BAIAP2L1: variants seen among roughly 807,000 people sequenced by gnomAD.
The protein encoded by BAIAP2L1 is BAR/IMD domain-containing adapter protein 2-like 1.
BAIAP2L1 carries 35 observed loss-of-function variants against 66.3 expected under a neutral mutation model. The observed-to-expected ratio is 0.53, with a 90% CI of 0.40 to 0.70. The LOEUF (loss-of-function observed/expected upper bound fraction) is 0.70, where lower values mean the gene tolerates loss of function less well. Ranked by LOEUF, BAIAP2L1 falls within the 30% of genes least tolerant of loss-of-function variation. The probability of loss-of-function intolerance (pLI) is 0.00; values close to 1 mark genes in which losing one functional copy is unlikely to be tolerated. For synonymous variants in BAIAP2L1, 269 were observed against 248.7 expected, an observed-to-expected ratio of 1.08 and a Z score of -0.77; for missense variants, 622 against 656.9, an observed-to-expected ratio of 0.95 and a Z score of 0.58.
At position 98,315,625 on chromosome 7, in the gene BAIAP2L1, A is replaced by AAATAATAAT. The variant is rs35160105; in HGVS notation, c.487-22_487-14dup. 8.0e-6 allele frequency: 9 copies of AAATAATAAT among 1,131,258 alleles called. No homozygotes were observed. Among genetic ancestry groups the AAATAATAAT allele is most frequent in the African/African-American group, 5.0e-5 (3 of 60,460 alleles). 70.1% of individuals were successfully genotyped at this position (1,131,258 alleles called of 1,614,324 possible). On this transcript the variant is annotated splice_polypyrimidine_tract_variant and intron_variant, in intron 6 of 13. Transcript: ENST00000005260. ...CGGTCTCCACATACTAAAAAAAAAA[A>AAATAATAAT]AATAATAATAATAATAATTATATAA...
chr7:98,315,625 A>AAT lies in BAIAP2L1; in HGVS notation c.487-14_487-13insAT, dbSNP rs1554412624. The AAT allele has an allele frequency of 2.1e-3, 2,339 of 1,131,106 alleles. 40 individuals carry two copies. The African/African-American group carries it at 0.036, about 17-fold the overall frequency. The allele number at this position is 1,131,106 out of a possible 1,614,324, so 70.1% of individuals were successfully genotyped here. A position where few individuals can be genotyped will look rare whatever the true frequency, so the allele number is the denominator to read the frequency against. On this transcript the variant is annotated splice_polypyrimidine_tract_variant and intron_variant, in intron 6 of 13. Transcript: ENST00000005260. ...CGGTCTCCACATACTAAAAAAAAAA[A>AAT]AATAATAATAATAATAATTATATAA...
chr7:98,327,079 G>A (rs528375926), intron 3 of BAIAP2L1, among the ~76,000 whole-genome samples: 2 of 152,276 alleles, frequency 1.3e-5, no homozygotes, highest in Admixed American at 6.5e-5. Context: ...TGAGGATCCC[G>A]GCCAGGCGCG....
At chr7:98,302,319 T>A (rs888813900) in intron 12 of BAIAP2L1, among the ~76,000 whole-genome samples, 2 of 152,222 alleles carry the variant, frequency 1.3e-5, no homozygotes, top group African/African-American at 4.8e-5. Flanking sequence ...TTGGCCAAAG[T>A]GTCAGTGCTC....
chr7:98,361,140 T>C (rs1402091866), intron 2 of BAIAP2L1, among the ~76,000 whole-genome samples: 1 of 152,176 alleles, frequency 6.6e-6, no homozygotes, highest in Non-Finnish European at 1.5e-5. Flanking sequence ...GTGGATTACC[T>C]GAGGTCAGGA....
chr7:98,334,580 C>T (rs1305196795), intron 3 of BAIAP2L1, among the ~76,000 whole-genome samples: 2 of 151,962 alleles, frequency 1.3e-5, no homozygotes, highest in Admixed American at 6.6e-5. Context: ...AGTCTTGCTC[C>T]GTCACCCAGG....
intron 10 of BAIAP2L1, chr7:98,306,724 T>A: frequency 2.9e-6 from 2 of 700,326 alleles, no homozygotes; most frequent in South Asian, 3.8e-5. Context: ...TTTTTTTTAA[T>A]AGAGACAGGG....
rs1255007935 is a variant in BAIAP2L1 at position 98,337,521 on chromosome 7, T to C, written c.215-17223A>G. ...TTCTTGTGTGAACAGTTGAGGAGAA[T>C]AAGGCAGCAATCAGATGTTAATGGC... On this transcript the variant is annotated intron_variant, in intron 3 of 13. Coordinates refer to ENST00000005260, the MANE Select transcript of BAIAP2L1 (RefSeq NM_018842.5). Among the ~76,000 whole-genome samples, 3 of 151,812 alleles carry C rather than the reference T, an allele frequency of 2.0e-5. No individual in the cohort carries two copies. In the East Asian group the frequency reaches 5.8e-4, roughly 29 times the overall value.
chr7:98,347,676 G>A (rs1306020064), intron 3 of BAIAP2L1, among the ~76,000 whole-genome samples: 1 of 152,086 alleles, frequency 6.6e-6, no homozygotes, highest in Non-Finnish European at 1.5e-5. Context: ...TCGGGAGGCT[G>A]AGGCAGGAGA....
intron 2 of BAIAP2L1, among the ~76,000 whole-genome samples, chr7:98,356,181 C>T (rs1364639509): frequency 6.6e-6 from 1 of 152,126 alleles, no homozygotes; most frequent in Admixed American, 6.6e-5. Context: ...GGTTGCTCAT[C>T]CTTAAAATGC....
chr7:98,323,344 G>A (rs986175344), intron 3 of BAIAP2L1: 2 of 152,118 alleles, frequency 1.3e-5, no homozygotes, highest in East Asian at 1.9e-4. Flanking sequence ...AACAAAACCC[G>A]CTCCAGTTAT....
At chr7:98,312,333 C>T (rs1485379684) in intron 7 of BAIAP2L1, 69 bp from the exon 8 acceptor site, 18 of 1,479,264 alleles carry the variant, frequency 1.2e-5, no homozygotes, top group South Asian at 2.7e-5. Context: ...AATGACATCA[C>T]GTCATATCGC....
At chr7:98,365,373 G>A (rs190883659) in intron 1 of BAIAP2L1, among the ~76,000 whole-genome samples, 60 of 152,044 alleles carry the variant, frequency 3.9e-4, no homozygotes, top group African/African-American at 1.2e-3. Flanking sequence ...GTTCTATAAC[G>A]CTAACAGATA....
intron 3 of BAIAP2L1, among the ~76,000 whole-genome samples, chr7:98,332,641 C>G (rs957227086): frequency 5.3e-5 from 8 of 151,156 alleles, no homozygotes; most frequent in African/African-American, 1.9e-4. Flanking sequence ...AACCCCATCC[C>G]TACTAAAAAT....
chr7:98,313,191 G>C (rs1232008586), intron 7 of BAIAP2L1, among the ~76,000 whole-genome samples: 1 of 148,534 alleles, frequency 6.7e-6, no homozygotes, highest in Non-Finnish European at 1.5e-5. Flanking sequence ...CCGTGGACCA[G>C]CTGCTTGGGC....
At chr7:98,301,148 T>A (rs1000255250) in intron 12 of BAIAP2L1, among the ~76,000 whole-genome samples, 15 of 152,198 alleles carry the variant, frequency 9.9e-5, no homozygotes, top group African/African-American at 3.4e-4. Flanking sequence ...CTCACTGCCA[T>A]GTGACTGTGT....
chr7:98,364,730 C>T (rs1173161494), intron 1 of BAIAP2L1, among the ~76,000 whole-genome samples: 1 of 151,780 alleles, frequency 6.6e-6, no homozygotes, highest in African/African-American at 2.4e-5. Context: ...GCTTGTAATC[C>T]CAGAACTTTG....
chr7:98,388,189 C>G (rs933630945), intron 1 of BAIAP2L1, among the ~76,000 whole-genome samples: 2 of 152,188 alleles, frequency 1.3e-5, no homozygotes, highest in Non-Finnish European at 2.9e-5. Flanking sequence ...TGCGTTTAAT[C>G]TTCACAGCAA....
At chr7:98,321,451 C>T (rs575040209) in intron 3 of BAIAP2L1, among the ~76,000 whole-genome samples, 5 of 152,286 alleles carry the variant, frequency 3.3e-5, no homozygotes, top group African/African-American at 1.2e-4. Context: ...TGGGAATACA[C>T]CAGCCCCTGA....
chr7:98,295,192 G>C (rs7783403), intron 12 of BAIAP2L1, among the ~76,000 whole-genome samples: 18,377 of 152,266 alleles, frequency 0.12, 1,394 homozygotes, highest in South Asian at 0.23. Flanking sequence ...TGGAGGCCCA[G>C]GCCAGGCCTC....
Sources: gnomAD v4.1 joint callset for allele counts (sites outside exome capture counted in the v4.1 genomes callset) on GRCh38, gnomAD v4.1.1 for gene constraint, MANE v1.5 for transcripts, NCBI Gene and HGNC (gene_info 2026-07-23, HGNC 2026-07-21) for gene names.